The following FOXN3 variants were observed in gnomAD, a reference collection of about 807,000 sequenced individuals.
The protein encoded by FOXN3 is forkhead box protein N3.
In FOXN3, 7 loss-of-function variants were observed where a neutral mutation model predicts 38.4. The ratio of observed to expected loss-of-function variants is 0.18; its 90% CI spans 0.10 to 0.34. The LOEUF (loss-of-function observed/expected upper bound fraction) is 0.34. Ranked by LOEUF, FOXN3 falls within the 10% of genes least tolerant of loss-of-function variation. The pLI is 1.00. For synonymous variants in FOXN3, 230 were observed against 242.2 expected, an observed-to-expected ratio of 0.95 and a Z score of 0.47; for missense variants, 456 against 613.4, an observed-to-expected ratio of 0.74 and a Z score of 2.71.
rs1270101449 is a variant in FOXN3, at chr14:89,302,285, A to G, written c.681-21271T>C. Among the ~76,000 whole-genome samples, 4 of 152,316 alleles carry G rather than the reference A, an allele frequency of 2.6e-5. No homozygotes were observed. In the East Asian group the frequency reaches 5.8e-4, roughly 22 times the overall value. The stretch of plus-strand genomic sequence containing the variant: ...TTCGAAGAGAACATAGTTTCAAAAG[A>G]GTAATGTCACTTCTTGGCCATAGTT... On this transcript the variant is annotated intron_variant, in intron 3 of 5. Transcript: ENST00000557258.
intron 4 of FOXN3, among the ~76,000 whole-genome samples, chr14:89,266,296 C>T (rs1222092896): frequency 6.6e-6 from 1 of 152,174 alleles, no homozygotes; most frequent in Non-Finnish European, 1.5e-5. Context: ...CTCACTGTGT[C>T]CTCACGTGGC....
At chr14:89,443,170 T>A (rs977893119) in intron 1 of FOXN3, among the ~76,000 whole-genome samples, 1 of 152,164 alleles carries the variant, frequency 6.6e-6, no homozygotes, top group African/African-American at 2.4e-5. Context: ...TAGTCATGAG[T>A]GGTAACTGCA....
intron 4 of FOXN3, among the ~76,000 whole-genome samples, chr14:89,206,710 G>A (rs10143024): frequency 6.6e-6 from 1 of 151,998 alleles, no homozygotes; most frequent in African/African-American, 2.4e-5. Context: ...CAAGCAAAAC[G>A]AAACAAAGAA....
intron 1 of FOXN3, among the ~76,000 whole-genome samples, chr14:89,553,450 GAA>G (rs57720898): frequency 4.9e-5 from 6 of 121,748 alleles, no homozygotes; most frequent in Admixed American, 8.4e-5. Context: ...ACATGAAAGT[GAA>G]AAAAAAAAAA....
chr14:89,524,096 T>G (rs1332740860), intron 1 of FOXN3, among the ~76,000 whole-genome samples: 10 of 142,250 alleles, frequency 7.0e-5, no homozygotes, highest in Non-Finnish European at 1.4e-4. Context: ...AAACTAGAGC[T>G]GGGCACGGTG....
At chr14:89,503,128 A>G (rs992828301) in intron 1 of FOXN3, among the ~76,000 whole-genome samples, 1 of 152,176 alleles carries the variant, frequency 6.6e-6, no homozygotes, top group Non-Finnish European at 1.5e-5. Flanking sequence ...TTTGAAGACG[A>G]CAAAGGCTCC....
chr14:89,246,560 T>TTTTTTTA (rs397934554), intron 4 of FOXN3, among the ~76,000 whole-genome samples: 1 of 148,238 alleles, frequency 6.7e-6, no homozygotes, highest in African/African-American at 2.5e-5. Context: ...TTTTTTTTTT[T>TTTTTTTA]GAGACAGTCT....
intron 1 of FOXN3, among the ~76,000 whole-genome samples, chr14:89,604,563 G>A (rs983409733): frequency 1.4e-4 from 22 of 152,038 alleles, no homozygotes; most frequent in Non-Finnish European, 2.6e-4. Context: ...CAGAACAAAG[G>A]TATAACATAT....
intron 4 of FOXN3, among the ~76,000 whole-genome samples, chr14:89,255,613 G>C (rs1421668416): frequency 6.6e-6 from 1 of 152,086 alleles, no homozygotes; most frequent in African/African-American, 2.4e-5. Context: ...CCAGGGAGTT[G>C]ACTATAAATT....
At chr14:89,612,648 G>C (rs769221486) in intron 1 of FOXN3, among the ~76,000 whole-genome samples, 1 of 151,860 alleles carries the variant, frequency 6.6e-6, no homozygotes, top group Non-Finnish European at 1.5e-5. Flanking sequence ...TAAAAAATTA[G>C]CAGGGCATAG....
At chr14:89,413,763 AAAG>A (rs1481884483) in intron 1 of FOXN3, among the ~76,000 whole-genome samples, 1 of 144,480 alleles carries the variant, frequency 6.9e-6, no homozygotes, top group Non-Finnish European at 1.5e-5. Flanking sequence ...GGAAGAAGGG[AAAG>A]AAGAAGGAAA....
chr14:89,204,838 G>GCATC (rs951591142), intron 4 of FOXN3, among the ~76,000 whole-genome samples: 22 of 150,600 alleles, frequency 1.5e-4, no homozygotes, highest in South Asian at 4.2e-4. Flanking sequence ...ATGCATTCAT[G>GCATC]CATCCATCCA....
At chr14:89,582,615 G>A (rs552495786) in intron 1 of FOXN3, among the ~76,000 whole-genome samples, 13 of 150,564 alleles carry the variant, frequency 8.6e-5, no homozygotes, top group African/African-American at 2.2e-4. Flanking sequence ...TCAGCCTCCC[G>A]AGTAGCAAAC....
intron 1 of FOXN3, among the ~76,000 whole-genome samples, chr14:89,499,612 G>T (rs1893755319): frequency 6.6e-6 from 1 of 152,102 alleles, no homozygotes; most frequent in Admixed American, 6.6e-5. Flanking sequence ...GACAGGGAAT[G>T]CAAAAGACAC....
intron 2 of FOXN3, among the ~76,000 whole-genome samples, chr14:89,380,935 G>C (rs114704939): frequency 0.016 from 2,364 of 151,790 alleles, 75 homozygotes; most frequent in African/African-American, 0.055. Context: ...TGAGGTCAAG[G>C]TTTCAAAACC....
chr14:89,530,598 ATATTT>A (rs938978790), intron 1 of FOXN3, among the ~76,000 whole-genome samples: 4 of 151,930 alleles, frequency 2.6e-5, no homozygotes, highest in Admixed American at 6.6e-5. Flanking sequence ...ATATGTATAT[ATATTT>A]TATTTTATTT....
chr14:89,254,554 G>A (rs1040002561), intron 4 of FOXN3, among the ~76,000 whole-genome samples: 1 of 152,142 alleles, frequency 6.6e-6, no homozygotes, highest in Non-Finnish European at 1.5e-5. Context: ...GATGTCAAGG[G>A]AAGCTAGAAA....
chr14:89,482,909 G>A (rs139020330), intron 1 of FOXN3, among the ~76,000 whole-genome samples: 3 of 144,108 alleles, frequency 2.1e-5, no homozygotes, highest in Non-Finnish European at 3.0e-5. Flanking sequence ...GACCCTGTAT[G>A]AAAAAAAAAA....
chr14:89,423,107 A>T (rs530998907), intron 1 of FOXN3, among the ~76,000 whole-genome samples: 3 of 152,230 alleles, frequency 2.0e-5, no homozygotes, highest in Non-Finnish European at 4.4e-5. Flanking sequence ...GAAACAGAAG[A>T]CACGGCACCT....
Sources: allele counts gnomAD v4.1 joint callset (sites outside exome capture counted in the v4.1 genomes callset), GRCh38; gene constraint gnomAD v4.1.1; transcripts MANE v1.5; gene names NCBI Gene and HGNC (gene_info 2026-07-23, HGNC 2026-07-21).